Variants in CNTN4 observed in about 807,000 individuals in gnomAD.
The protein encoded by CNTN4 is contactin 4.
In CNTN4, 77 loss-of-function variants were observed where a neutral mutation model predicts 122.5. The observed-to-expected ratio is 0.63, with a 90% CI of 0.52 to 0.76. CNTN4 has a LOEUF of 0.76. Among genes scored for constraint, CNTN4 ranks in the 30% least tolerant of loss-of-function variants. The pLI is 0.00. For synonymous variants in CNTN4, 512 were observed against 447.0 expected, an observed-to-expected ratio of 1.15 and a Z score of -1.83; for missense variants, 1,256 against 1,259.1, an observed-to-expected ratio of 1.00 and a Z score of 0.04.
intron 4 of CNTN4, among the ~76,000 whole-genome samples, chr3:2,648,080 G>A (rs774579136): frequency 1.3e-5 from 2 of 152,084 alleles, no homozygotes; most frequent in African/African-American, 2.4e-5. Context: ...CAAAGAAAAC[G>A]CTCTGAAGAT....
At chr3:2,790,834 A>G (rs562904091) in intron 6 of CNTN4, among the ~76,000 whole-genome samples, 2 of 152,270 alleles carry the variant, frequency 1.3e-5, no homozygotes, top group East Asian at 1.9e-4. Context: ...TTTTATGCAA[A>G]TCTTGCACAT....
At chr3:2,715,604 A>G (rs1409144179) in intron 4 of CNTN4, among the ~76,000 whole-genome samples, 3 of 152,200 alleles carry the variant, frequency 2.0e-5, no homozygotes, top group Non-Finnish European at 4.4e-5. Flanking sequence ...AAAATACCAT[A>G]AACTGGGTAG....
At chr3:2,178,675 A>C (rs748147908) in intron 2 of CNTN4, among the ~76,000 whole-genome samples, 1 of 152,106 alleles carries the variant, frequency 6.6e-6, no homozygotes, top group Non-Finnish European at 1.5e-5. Context: ...TTGAAATTCT[A>C]TAGGCCCATC....
At chr3:2,765,586 A>C (rs2090820187) in intron 6 of CNTN4, among the ~76,000 whole-genome samples, 1 of 152,216 alleles carries the variant, frequency 6.6e-6, no homozygotes, top group South Asian at 2.1e-4. Flanking sequence ...ATTTTAAATT[A>C]TTAATCATCA....
At chr3:2,113,107 TA>T (rs2125146080) in intron 2 of CNTN4, among the ~76,000 whole-genome samples, 1 of 152,280 alleles carries the variant, frequency 6.6e-6, no homozygotes, top group East Asian at 1.9e-4. Flanking sequence ...GCTATAGAAA[TA>T]TAATTACACT....
At chr3:2,230,745 C>T (rs1266026152) in intron 2 of CNTN4, among the ~76,000 whole-genome samples, 1 of 152,044 alleles carries the variant, frequency 6.6e-6, no homozygotes, top group Non-Finnish European at 1.5e-5. Context: ...AGCATTTTGG[C>T]AGGCTGAGGC....
At chr3:3,048,474 C>G (rs1559835302) in intron 23 of CNTN4, among the ~76,000 whole-genome samples, 1 of 151,646 alleles carries the variant, frequency 6.6e-6, no homozygotes, top group Non-Finnish European at 1.5e-5. Context: ...CCTGAATTAC[C>G]AAGGTACCAA....
chr3:2,639,231 A>G (rs987341395), intron 4 of CNTN4, among the ~76,000 whole-genome samples: 3 of 151,632 alleles, frequency 2.0e-5, no homozygotes, highest in African/African-American at 7.3e-5. Flanking sequence ...TCAACTATCT[A>G]ACTCCTCTCC....
chr3:2,122,596 G>T (rs2033873579), intron 2 of CNTN4, among the ~76,000 whole-genome samples: 1 of 152,132 alleles, frequency 6.6e-6, no homozygotes, highest in South Asian at 2.1e-4. Context: ...GATTATATCT[G>T]TAGGATAAAT....
intron 7 of CNTN4, among the ~76,000 whole-genome samples, chr3:2,834,498 C>T (rs575407992): frequency 6.6e-6 from 1 of 151,990 alleles, no homozygotes; most frequent in East Asian, 1.9e-4. Context: ...ACCCAGCAGG[C>T]GAAGTTTGCA....
intron 4 of CNTN4, among the ~76,000 whole-genome samples, chr3:2,651,171 C>T (rs2083340234): frequency 1.3e-5 from 2 of 152,118 alleles, no homozygotes; most frequent in African/African-American, 4.8e-5. Context: ...CAAGAGTGGC[C>T]ATTGCAGTCT....
chr3:2,305,561 ACTTT>A (rs1166234629), intron 2 of CNTN4, among the ~76,000 whole-genome samples: 2 of 152,134 alleles, frequency 1.3e-5, no homozygotes, highest in African/African-American at 2.4e-5. Flanking sequence ...CTTGAATAGT[ACTTT>A]CTCTTTATGT....
intron 3 of CNTN4, among the ~76,000 whole-genome samples, chr3:2,369,445 A>G (rs1004168672): frequency 7.9e-5 from 12 of 152,194 alleles, no homozygotes; most frequent in African/African-American, 2.4e-4. Flanking sequence ...GTATTAAATG[A>G]CAGATATTGA....
intron 2 of CNTN4, among the ~76,000 whole-genome samples, chr3:2,140,932 T>G (rs2034964027): frequency 6.6e-6 from 1 of 152,224 alleles, no homozygotes; most frequent in Non-Finnish European, 1.5e-5. Context: ...AGTTCCAGCT[T>G]CTTTTCTTTA....
chr3:2,998,061 CT>C (rs1490279315), intron 14 of CNTN4, among the ~76,000 whole-genome samples: 3 of 152,128 alleles, frequency 2.0e-5, no homozygotes, highest in African/African-American at 7.2e-5. Flanking sequence ...CTGCCTTCTC[CT>C]CCATGTATAC....
intron 14 of CNTN4, among the ~76,000 whole-genome samples, chr3:2,992,989 A>G (rs1695189532): frequency 6.6e-6 from 1 of 151,934 alleles, no homozygotes; most frequent in Non-Finnish European, 1.5e-5. Flanking sequence ...TAAATACCCC[A>G]ATTGATCCTT....
intron 2 of CNTN4, among the ~76,000 whole-genome samples, chr3:2,236,716 T>G (rs2039694390): frequency 6.6e-6 from 1 of 152,362 alleles, no homozygotes; most frequent in African/African-American, 2.4e-5. Context: ...ATTTATTCAC[T>G]TTAATTTCAC....
chr3:2,253,424 GAACGA>G (rs68093310), intron 2 of CNTN4, among the ~76,000 whole-genome samples: 15,249 of 151,984 alleles, frequency 0.1, 1,081 homozygotes, highest in African/African-American at 0.2. Flanking sequence ...TTGTTTTAGT[GAACGA>G]AACAAAAGAA....
At chr3:2,924,237 A>G (rs2094453179) in intron 12 of CNTN4, among the ~76,000 whole-genome samples, 1 of 152,198 alleles carries the variant, frequency 6.6e-6, no homozygotes, top group Non-Finnish European at 1.5e-5. Context: ...ACTTGCTTCC[A>G]CTGAAGCTTA....
Sources: gnomAD v4.1 joint callset for allele counts (sites outside exome capture counted in the v4.1 genomes callset) on GRCh38, gnomAD v4.1.1 for gene constraint, MANE v1.5 for transcripts, NCBI Gene and HGNC (gene_info 2026-07-23, HGNC 2026-07-21) for gene names.